The following CNTNAP5 variants were observed in gnomAD, a reference collection of about 807,000 sequenced individuals.
The protein encoded by CNTNAP5 is contactin-associated protein-like 5.
A neutral mutation model predicts 150.2 loss-of-function variants in CNTNAP5; 72 were observed. The observed-to-expected ratio is 0.48, with a 90% CI of 0.40 to 0.58. The LOEUF is 0.58. Among genes scored for constraint, CNTNAP5 ranks in the 20% least tolerant of loss-of-function variants. The pLI is 0.00. For missense variants in CNTNAP5, 1,636 were observed against 1,626.2 expected, an observed-to-expected ratio of 1.01 and a Z score of -0.10; for synonymous variants, 672 against 619.8, an observed-to-expected ratio of 1.08 and a Z score of -1.25.
At chr2:124,273,457 A>G (rs530373630) in intron 3 of CNTNAP5, among the ~76,000 whole-genome samples, 3 of 152,108 alleles carry the variant, frequency 2.0e-5, no homozygotes, top group Non-Finnish European at 4.4e-5. Flanking sequence ...GAGCTGACTT[A>G]ATGAGTTTTT....
At chr2:124,115,648 C>CTT (rs10666342) in intron 1 of CNTNAP5, among the ~76,000 whole-genome samples, 14,195 of 123,668 alleles carry the variant, frequency 0.11, 1,217 homozygotes, top group East Asian at 0.35. Flanking sequence ...GTATAATAGT[C>CTT]TTTTTTTTTT....
At chr2:124,860,349 C>CA (rs545016778) in intron 19 of CNTNAP5, among the ~76,000 whole-genome samples, 190 of 141,898 alleles carry the variant, frequency 1.3e-3, no homozygotes, top group Non-Finnish European at 1.6e-3. Flanking sequence ...GATTCTGTCT[C>CA]AAAAAAAAAA....
intron 3 of CNTNAP5, among the ~76,000 whole-genome samples, chr2:124,389,095 A>G (rs1475976975): frequency 6.6e-6 from 1 of 152,234 alleles, no homozygotes; most frequent in Non-Finnish European, 1.5e-5. Flanking sequence ...GTCAAACTCA[A>G]TAAGGTGAAT....
Position 124,918,360 on chromosome 2 carries a change from C to T in CNTNAP5, c.*4072C>T, listed in dbSNP as rs192639622. 2.0e-5 allele frequency among the ~76,000 whole-genome samples: 3 copies of T among 152,174 alleles called. No homozygotes were observed. Among genetic ancestry groups the T allele is most frequent in the African/African-American group, 7.2e-5 (3 of 41,562 alleles). ...TAACATTTCTGAACCTAACTGAAGT[C>T]TACCCTTCCATCAGTAATTGACTAA... is the stretch of plus-strand genomic sequence containing the variant. On this transcript the variant is annotated 3_prime_UTR_variant, in exon 24 of 24. Transcript: ENST00000682447.
intron 19 of CNTNAP5, among the ~76,000 whole-genome samples, chr2:124,831,002 A>C (rs1225129570): frequency 6.6e-6 from 1 of 152,104 alleles, no homozygotes; most frequent in African/African-American, 2.4e-5. Context: ...TTGCAATTGC[A>C]GTAAGAGCAA....
In CNTNAP5 at chr2:124,527,300, T is replaced by C. The variant is rs771053803; in HGVS notation, c.1493T>C (p.Leu498Pro). The part of the protein sequence containing the change: ...SYYFGGCPDN[L>P]TDSQCLNPIK... ...TGTCCCACAGGGTGCCCCGACAATC[T>C]CACCGATTCCCAATGTTTAAATCCC... The change falls in exon 10 of 24, where the codon CTC becomes CCC. Residue 498 changes from leucine to proline, a missense_variant. Physicochemically the swap from Leu to Pro is moderately conservative, Grantham distance 98. Transcript: ENST00000682447. 6 of 1,613,432 alleles carry C rather than the reference T, an allele frequency of 3.7e-6. No homozygotes were observed. The highest frequency in any genetic ancestry group is 5.1e-6 in the Non-Finnish European group (6 of 1,179,628).
At chr2:124,260,035 A>G (rs1232483083) in intron 3 of CNTNAP5, among the ~76,000 whole-genome samples, 1 of 152,172 alleles carries the variant, frequency 6.6e-6, no homozygotes, top group Non-Finnish European at 1.5e-5. Flanking sequence ...TTCATATGGA[A>G]CCAAAAAAGA....
At chr2:124,310,519 T>G (rs1573907629) in intron 3 of CNTNAP5, among the ~76,000 whole-genome samples, 1 of 152,184 alleles carries the variant, frequency 6.6e-6, no homozygotes, top group South Asian at 2.1e-4. Flanking sequence ...ATGCCCCCTT[T>G]CCCGTGCCCA....
At chr2:124,914,044 A>T in intron 23 of CNTNAP5, 48 bp from the exon 24 acceptor site, 1 of 1,418,072 alleles carries the variant, frequency 7.1e-7, no homozygotes, top group Non-Finnish European at 9.9e-7. Context: ...TCCTGAGCAG[A>T]TGACTCATGA....
intron 14 of CNTNAP5, among the ~76,000 whole-genome samples, chr2:124,754,400 G>A (rs1249439425): frequency 6.6e-6 from 1 of 152,084 alleles, no homozygotes; most frequent in Admixed American, 6.6e-5. Context: ...GTTTATGTGG[G>A]TTTTTGCTCA....
intron 20 of CNTNAP5, 35 bp downstream of exon 20, chr2:124,865,471 T>A: frequency 6.5e-7 from 1 of 1,545,522 alleles, no homozygotes; most frequent in Non-Finnish European, 8.8e-7. Context: ...TCAGCCAATG[T>A]GCCTTGGCTA....
intron 10 of CNTNAP5, among the ~76,000 whole-genome samples, chr2:124,551,275 T>C (rs936219663): frequency 2.0e-5 from 3 of 152,152 alleles, no homozygotes; most frequent in Non-Finnish European, 4.4e-5. Flanking sequence ...CCTGGAAAAT[T>C]TAGGAAACTG....
intron 3 of CNTNAP5, among the ~76,000 whole-genome samples, chr2:124,268,532 A>T (rs1448271533): frequency 6.6e-6 from 1 of 152,194 alleles, no homozygotes; most frequent in Non-Finnish European, 1.5e-5. Context: ...CCATATGCTT[A>T]CTTAGGTAAA....
chr2:124,139,020 A>G (rs550519567), intron 1 of CNTNAP5, among the ~76,000 whole-genome samples: 1 of 150,486 alleles, frequency 6.6e-6, no homozygotes, highest in East Asian at 1.9e-4. Flanking sequence ...CTGAGTCTAC[A>G]GGAGGTTCCC....
intron 1 of CNTNAP5, among the ~76,000 whole-genome samples, chr2:124,060,880 T>C (rs1681991889): frequency 6.6e-6 from 1 of 152,204 alleles, no homozygotes; most frequent in East Asian, 1.9e-4. Context: ...ATGGTGTTTT[T>C]TTGACTGGAA....
At chr2:124,584,853 GT>G (rs946599399) in intron 11 of CNTNAP5, among the ~76,000 whole-genome samples, 3 of 152,156 alleles carry the variant, frequency 2.0e-5, no homozygotes, top group African/African-American at 4.8e-5. Context: ...TGTTTTATGA[GT>G]TTTTTGTTTT....
At chr2:124,526,185 C>A (rs1461297205) in intron 9 of CNTNAP5, among the ~76,000 whole-genome samples, 2 of 152,114 alleles carry the variant, frequency 1.3e-5, no homozygotes, top group Non-Finnish European at 2.9e-5. Context: ...TTTTAAGGGA[C>A]CCTGGGTTTA....
At chr2:124,246,911 G>A (rs571456756) in intron 3 of CNTNAP5, among the ~76,000 whole-genome samples, 1 of 152,188 alleles carries the variant, frequency 6.6e-6, no homozygotes, top group South Asian at 2.1e-4. Context: ...CAAACAGACA[G>A]CCATATAGTC....
intron 21 of CNTNAP5, among the ~76,000 whole-genome samples, chr2:124,885,317 G>A (rs1573687551): frequency 1.3e-5 from 2 of 151,908 alleles, no homozygotes; most frequent in African/African-American, 4.8e-5. Flanking sequence ...TGTCATTCAC[G>A]TTTACAACAT....
Sources: gnomAD v4.1 joint callset for allele counts (sites outside exome capture counted in the v4.1 genomes callset) on GRCh38, gnomAD v4.1.1 for gene constraint, MANE v1.5 for transcripts, NCBI Gene and HGNC (gene_info 2026-07-23, HGNC 2026-07-21) for gene names.